Variants in CDH18 observed in about 807,000 individuals in gnomAD.
CDH18 encodes cadherin 18, also known as cadherin-18.
Under a neutral mutation model 67.9 loss-of-function variants are expected in CDH18, and 31 were observed. That is an observed-to-expected ratio of 0.46 (90% CI 0.34 to 0.62). CDH18 has a LOEUF of 0.62. CDH18 is among the 20% of genes least tolerant of loss of function. The probability of loss-of-function intolerance (pLI) is 0.01; values close to 1 mark genes in which losing one functional copy is unlikely to be tolerated. For missense variants in CDH18, 890 were observed against 975.5 expected (o/e 0.91, Z 1.17); for synonymous variants, 362 against 347.2 (o/e 1.04, Z -0.48).
At chr5:19,928,224 A>G (rs1002285415) in intron 2 of CDH18, among the ~76,000 whole-genome samples, 13 of 152,202 alleles carry the variant, frequency 8.5e-5, no homozygotes, top group African/African-American at 3.1e-4. Flanking sequence ...CAAAACATTT[A>G]AAAGCAATAT....
intron 3 of CDH18, among the ~76,000 whole-genome samples, chr5:19,761,902 C>T (rs1197168974): frequency 3.3e-5 from 5 of 152,056 alleles, no homozygotes; most frequent in Admixed American, 6.5e-5. Context: ...AGATATAGAC[C>T]AATGGAACAG....
intron 4 of CDH18, among the ~76,000 whole-genome samples, chr5:19,736,474 GATAA>G (rs887842189): frequency 5.9e-5 from 9 of 152,058 alleles, no homozygotes; most frequent in Non-Finnish European, 1.2e-4. Flanking sequence ...GATCTTGAAA[GATAA>G]ATAATGATAT....
chr5:20,376,527 A>AG (rs926178112), intron 1 of CDH18, among the ~76,000 whole-genome samples: 2 of 148,682 alleles, frequency 1.3e-5, no homozygotes, highest in Non-Finnish European at 3.0e-5. Context: ...TGCTTTCTTT[A>AG]GGGGGGTGTG....
intron 2 of CDH18, among the ~76,000 whole-genome samples, chr5:19,905,393 C>G (rs1378905383): frequency 6.6e-6 from 1 of 151,770 alleles, no homozygotes; most frequent in East Asian, 1.9e-4. Context: ...TTGGAAATGG[C>G]TTGCAAATAC....
At chr5:20,120,252 A>T (rs577650002) in intron 2 of CDH18, among the ~76,000 whole-genome samples, 1 of 152,282 alleles carries the variant, frequency 6.6e-6, no homozygotes, top group Non-Finnish European at 1.5e-5. Flanking sequence ...AAGGTGGAAG[A>T]TGATGATCAT....
At chr5:20,027,028 A>T (rs1165365244) in intron 2 of CDH18, among the ~76,000 whole-genome samples, 1 of 152,010 alleles carries the variant, frequency 6.6e-6, no homozygotes, top group Admixed American at 6.6e-5. Context: ...ATAAATAAAT[A>T]AAATAAAATT....
chr5:20,107,896 C>T (rs1447652891), intron 2 of CDH18, among the ~76,000 whole-genome samples: 3 of 149,510 alleles, frequency 2.0e-5, no homozygotes, highest in Non-Finnish European at 4.4e-5. Context: ...GGTATATCCC[C>T]TAATGCTATC....
intron 3 of CDH18, among the ~76,000 whole-genome samples, chr5:19,831,873 T>C (rs1236157276): frequency 1.3e-5 from 2 of 151,968 alleles, no homozygotes; most frequent in African/African-American, 4.8e-5. Context: ...CCCTCAATGG[T>C]GGATTAAATA....
intron 2 of CDH18, among the ~76,000 whole-genome samples, chr5:20,231,394 G>T (rs144345485): frequency 0.011 from 1,690 of 152,116 alleles, 31 homozygotes; most frequent in African/African-American, 0.038. Context: ...CAGATCACCT[G>T]AGGTCAGGAG....
chr5:19,547,540 G>A (rs1736550598), intron 8 of CDH18, among the ~76,000 whole-genome samples: 1 of 152,106 alleles, frequency 6.6e-6, no homozygotes, highest in Non-Finnish European at 1.5e-5. Flanking sequence ...AAAATATGTA[G>A]TCTTTTTGCC....
chr5:19,655,396 A>G (rs1756212526), intron 5 of CDH18, among the ~76,000 whole-genome samples: 1 of 151,744 alleles, frequency 6.6e-6, no homozygotes, highest in African/African-American at 2.4e-5. Context: ...GAGTTGTTGC[A>G]TTAGTGAATA....
intron 1 of CDH18, among the ~76,000 whole-genome samples, chr5:20,418,242 A>ATTT (rs58308147): frequency 0.016 from 917 of 56,866 alleles, 70 homozygotes; most frequent in South Asian, 0.075. Context: ...CTGCTGGCTA[A>ATTT]TTTTTTTTTT....
At chr5:19,759,023 T>G (rs1771994376) in intron 3 of CDH18, among the ~76,000 whole-genome samples, 1 of 152,234 alleles carries the variant, frequency 6.6e-6, no homozygotes. Context: ...TTGCTGGCCT[T>G]GCCAGCTGAA....
intron 2 of CDH18, among the ~76,000 whole-genome samples, chr5:20,083,025 G>A (rs1243555167): frequency 1.3e-5 from 2 of 152,268 alleles, no homozygotes; most frequent in African/African-American, 2.4e-5. Context: ...AAACTAACAC[G>A]CTCCACATAC....
At chr5:20,224,735 A>G (rs1741479131) in intron 2 of CDH18, among the ~76,000 whole-genome samples, 1 of 152,160 alleles carries the variant, frequency 6.6e-6, no homozygotes, top group Non-Finnish European at 1.5e-5. Flanking sequence ...GCTTCAAATT[A>G]TGATATAAAA....
intron 2 of CDH18, among the ~76,000 whole-genome samples, chr5:19,960,750 T>A (rs1284701851): frequency 7.6e-6 from 1 of 131,716 alleles, no homozygotes; most frequent in African/African-American, 3.9e-5. Context: ...TACACGTGTA[T>A]ATATATGTAT....
At chr5:19,507,168 T>G (rs1360003974) in intron 10 of CDH18, among the ~76,000 whole-genome samples, 1 of 152,186 alleles carries the variant, frequency 6.6e-6, no homozygotes, top group African/African-American at 2.4e-5. Flanking sequence ...TTATCATCAT[T>G]GGCCATCAGA....
At chr5:20,363,810 C>T (rs952513729) in intron 1 of CDH18, among the ~76,000 whole-genome samples, 1 of 151,662 alleles carries the variant, frequency 6.6e-6, no homozygotes, top group South Asian at 2.1e-4. Flanking sequence ...TTATTTTTAA[C>T]AGGATAGCAA....
chr5:19,784,831 A>G (rs1386522465), intron 3 of CDH18, among the ~76,000 whole-genome samples: 1 of 152,174 alleles, frequency 6.6e-6, no homozygotes, highest in Non-Finnish European at 1.5e-5. Flanking sequence ...GAAGCCTGCT[A>G]CCTGGAGGCT....
Sources: allele counts gnomAD v4.1 joint callset (sites outside exome capture counted in the v4.1 genomes callset), GRCh38; gene constraint gnomAD v4.1.1; transcripts MANE v1.5; gene names NCBI Gene and HGNC (gene_info 2026-07-23, HGNC 2026-07-21).